SMARCA2: variants seen among roughly 807,000 people sequenced by gnomAD.
The protein encoded by SMARCA2 is SWI/SNF related BAF chromatin remodeling complex subunit ATPase 2.
Under a neutral mutation model 199.8 loss-of-function variants are expected in SMARCA2, and 61 were observed. That is an observed-to-expected ratio of 0.31 (90% CI 0.25 to 0.38). SMARCA2 has a LOEUF of 0.38. Ranked by LOEUF, SMARCA2 falls within the 10% of genes least tolerant of loss-of-function variation. The pLI is 1.00. For synonymous variants in SMARCA2, 935 were observed against 732.0 expected, an observed-to-expected ratio of 1.28 and a Z score of -4.48; for missense variants, 1,344 against 2,012.2, an observed-to-expected ratio of 0.67 and a Z score of 6.35.
chr9:2,164,292 G>A (rs1825835036), intron 28 of SMARCA2, among the ~76,000 whole-genome samples: 2 of 152,218 alleles, frequency 1.3e-5, no homozygotes, highest in South Asian at 4.2e-4. Flanking sequence ...GAGATTATAT[G>A]CCTTAAACCT....
chr9:2,055,197 A>G (rs1820297773), intron 6 of SMARCA2, among the ~76,000 whole-genome samples: 1 of 152,250 alleles, frequency 6.6e-6, no homozygotes, highest in South Asian at 2.1e-4. Flanking sequence ...ACATAAAGCA[A>G]TGTCTTATAG....
At chr9:2,053,741 T>G (rs762080537) in intron 5 of SMARCA2, among the ~76,000 whole-genome samples, 1 of 152,228 alleles carries the variant, frequency 6.6e-6, no homozygotes, top group Non-Finnish European at 1.5e-5. Context: ...TGGCATATAA[T>G]TATTTTGTCA....
At chr9:2,186,743 C>T (rs1827486557) in intron 32 of SMARCA2, among the ~76,000 whole-genome samples, 1 of 152,206 alleles carries the variant, frequency 6.6e-6, no homozygotes, top group African/African-American at 2.4e-5. Flanking sequence ...CAAGGCTGGT[C>T]TCAAACTCCT....
intron 30 of SMARCA2, 49 bp from the exon 31 acceptor site, chr9:2,182,078 GTAATGATCGCTGAA>G: frequency 9.5e-7 from 1 of 1,056,510 alleles, no homozygotes; most frequent in Non-Finnish European, 1.5e-6. Flanking sequence ...TGTTAACTAA[GTAATGATCGCTGAA>G]TTTTCCTCTC....
In SMARCA2 at chr9:2,087,159, A is replaced by T. The variant is rs544464814; in HGVS notation, c.2769+88A>T. On this transcript the variant is annotated intron_variant, in intron 18 of 33. Coordinates refer to ENST00000349721, the MANE Select transcript of SMARCA2 (RefSeq NM_003070.5). ...GCTGAGAACATTAGAGCCACAGAACACCCGCAGGGTGGTTTCCACTGTTGT... is the reference window on the plus strand; with the variant it reads ...GCTGAGAACATTAGAGCCACAGAACTCCCGCAGGGTGGTTTCCACTGTTGT... 4 of 1,503,842 alleles carry T rather than the reference A, an allele frequency of 2.7e-6. No individual in the cohort carries two copies. In the African/African-American group the frequency reaches 5.6e-5, roughly 21 times the overall value. 93.2% of individuals were successfully genotyped at this position (1,503,842 alleles called of 1,614,324 possible).
At chr9:2,142,130 G>A (rs1824491456) in intron 27 of SMARCA2, among the ~76,000 whole-genome samples, 1 of 152,168 alleles carries the variant, frequency 6.6e-6, no homozygotes, top group African/African-American at 2.4e-5. Flanking sequence ...AGCTCCATCA[G>A]TCAAGTTGCA....
At chr9:2,167,621 C>G (rs1013277202) in intron 28 of SMARCA2, among the ~76,000 whole-genome samples, 1 of 152,242 alleles carries the variant, frequency 6.6e-6, no homozygotes, top group Non-Finnish European at 1.5e-5. Context: ...CTGTCTTCCC[C>G]TAGCTGGGAA....
intron 21 of SMARCA2, among the ~76,000 whole-genome samples, chr9:2,100,436 C>G (rs1430331253): frequency 6.6e-6 from 1 of 152,088 alleles, no homozygotes; most frequent in Non-Finnish European, 1.5e-5. Context: ...GGTGTGGTGG[C>G]TCATCCAATA....
At position 2,056,110 on chromosome 9, in the gene SMARCA2, A is replaced by G. The variant is rs1820342915; in HGVS notation, c.1174-562A>G. ...ATCTGAAATAAGTTCATGATATAAT[A>G]TAAAATGTAGATCTCTTGGAAAGAA... On this transcript the variant is annotated intron_variant, in intron 6 of 33. Coordinates refer to ENST00000349721, the MANE Select transcript of SMARCA2 (RefSeq NM_003070.5). This position sits in a 1 kb window ranked among gnomAD's most constrained non-coding sequence, Gnocchi z 4.0. Among the ~76,000 whole-genome samples, 1 of 152,230 alleles carries G rather than the reference A, an allele frequency of 6.6e-6. No individual in the cohort carries two copies. The highest frequency in any genetic ancestry group is 2.4e-5 in the African/African-American group (1 of 41,450).
Position 2,039,576 on chromosome 9 carries a change from C to G in SMARCA2, c.466C>G (p.Leu156Val). 3 of 1,614,200 alleles carry G rather than the reference C, an allele frequency of 1.9e-6. No homozygotes were observed. Among genetic ancestry groups the G allele is most frequent in the Non-Finnish European group, 2.5e-6 (3 of 1,180,036 alleles). ...PQMPPSQPGA[L>V]IPGDPQAMSQ... ...GATGCCACCAAGCCAGCCGGGGGCCCTCATCCCAGGTGATCCGCAGGCCAT... is the reference window on the plus strand; with the variant it reads ...GATGCCACCAAGCCAGCCGGGGGCCGTCATCCCAGGTGATCCGCAGGCCAT... The change falls in exon 4 of 34, where the codon CTC becomes GTC. Residue 156 changes from leucine to valine, a missense_variant. Leu to Val is a conservative substitution (Grantham distance 32). Coordinates refer to ENST00000349721, the MANE Select transcript of SMARCA2 (RefSeq NM_003070.5). The surrounding 1 kb of genome is among the most constrained non-coding windows in gnomAD (Gnocchi z 4.8).
chr9:2,182,165 C>T lies in SMARCA2; in HGVS notation c.4384C>T (p.Arg1462Trp), dbSNP rs774671393. 6.2e-7 allele frequency: 1 copy of T among 1,612,062 alleles called. No homozygotes were observed. The highest frequency in any genetic ancestry group is 8.5e-7 in the Non-Finnish European group (1 of 1,178,258). ...IKERIRNHKYRSLGDLEKDVM... is the reference protein window; with the variant it reads ...IKERIRNHKYWSLGDLEKDVM... ...GGAAAGGATTCGTAATCATAAGTAC[C>T]GGAGCCTAGGCGACCTGGAGAAGGA... Residue 1462 changes from arginine to tryptophan, a missense_variant, in exon 31 of 34, where the codon CGG (arginine) becomes TGG (tryptophan). By Grantham distance (101) the Arg-to-Trp change is moderately radical. Coordinates refer to ENST00000349721, the MANE Select transcript of SMARCA2 (RefSeq NM_003070.5).
chr9:2,144,943 A>G lies in SMARCA2; in HGVS notation c.3982-16743A>G, dbSNP rs930470816. Among the ~76,000 whole-genome samples the G allele has an allele frequency of 5.3e-5, 8 of 152,336 alleles. No homozygotes were observed. In the South Asian group the frequency reaches 1.7e-3, roughly 32 times the overall value. On this transcript the variant is annotated intron_variant, in intron 27 of 33. Coordinates refer to ENST00000349721, the MANE Select transcript of SMARCA2 (RefSeq NM_003070.5). ...CTGCATATTCACAATCTGTGAATGA[A>G]AAAAAAGCCAAAAGAAAAGTTGGGG...
chr9:2,158,450 C>T (rs1825489183), intron 27 of SMARCA2: 1 of 153,478 alleles, frequency 6.5e-6, no homozygotes, highest in African/African-American at 2.4e-5. Context: ...GACTTCCTTC[C>T]TATTCACTTC....
chr9:2,081,846 A>T lies in SMARCA2; in HGVS notation c.2199A>T (p.Glu733Asp). The T allele has an allele frequency of 6.2e-7, 1 of 1,613,994 alleles. No homozygotes were observed. Among genetic ancestry groups the T allele is most frequent in the East Asian group, 2.2e-5 (1 of 44,878 alleles). Reference sequence around the variant, plus strand: ...CTTCATTTCAGCTCCAGGGCCTGGAATGGATGGTTTCCCTGTATAATAACA... The same window carrying T: ...CTTCATTTCAGCTCCAGGGCCTGGATTGGATGGTTTCCCTGTATAATAACA... ...TLKHYQLQGLEWMVSLYNNNL... is the reference protein window; with the variant it reads ...TLKHYQLQGLDWMVSLYNNNL... Residue 733 changes from glutamate to aspartate, a missense_variant, in exon 15 of 34, where the codon GAA becomes GAT. Physicochemically the swap from Glu to Asp is conservative, Grantham distance 45 (BLOSUM62 2). Around this residue, in one of 18 missense-constraint regions of SMARCA2, gnomAD observed 106 missense variants for 179.7 expected, o/e 0.59. Transcript: ENST00000349721.
chr9:2,102,566 C>T (rs945436996), intron 22 of SMARCA2, among the ~76,000 whole-genome samples: 11 of 152,252 alleles, frequency 7.2e-5, no homozygotes, highest in South Asian at 2.1e-4. Context: ...ACCTAAAATT[C>T]GGTTTTAATT....
At position 2,073,585 on chromosome 9, in the gene SMARCA2, T is replaced by C; in HGVS notation, c.1897T>C (p.Ser633Pro). Residue 633 changes from serine (S) to proline (P), a missense_variant, in exon 12 of 34, where the codon TCT becomes CCT. By Grantham distance (74) the Ser-to-Pro change is moderately conservative (BLOSUM62 -1). Around this residue, in one of 18 missense-constraint regions of SMARCA2, gnomAD observed 106 missense variants for 179.7 expected, o/e 0.59. Transcript: ENST00000349721. Reference sequence around the variant, plus strand: ...CCTTAGTTATGAAGTTGCCCCTAGATCTGACAGTGAAGAGAGTGATTCTGA... The same window carrying C: ...CCTTAGTTATGAAGTTGCCCCTAGACCTGACAGTGAAGAGAGTGATTCTGA... ...MNPGYEVAPR[S>P]DSEESDSDYE... 1 of 1,612,530 alleles carries C rather than the reference T, an allele frequency of 6.2e-7. No individual in the cohort carries two copies. The highest frequency in any genetic ancestry group is 8.5e-7 in the Non-Finnish European group (1 of 1,178,570).
At chr9:2,173,626 C>T (rs930504703) in intron 29 of SMARCA2, among the ~76,000 whole-genome samples, 9 of 152,108 alleles carry the variant, frequency 5.9e-5, no homozygotes, top group Admixed American at 2.6e-4. Context: ...CTGAGGTCAG[C>T]GCCTCATGCA....
At chr9:2,158,125 G>C in intron 27 of SMARCA2, 1 of 106,580 alleles carries the variant, frequency 9.4e-6, no homozygotes, top group Non-Finnish European at 1.8e-5. Context: ...TTTCTTTTAA[G>C]CAAAATTGAA....
In SMARCA2 at chr9:2,039,988, C is replaced by T; in HGVS notation, c.790+88C>T. ...ACCAAAACACCGGGTTGTTAAAAGCCCGGGGCTGACGTAGCCTTTTGTTAT... is the reference window on the plus strand; with the variant it reads ...ACCAAAACACCGGGTTGTTAAAAGCTCGGGGCTGACGTAGCCTTTTGTTAT... On this transcript the variant is annotated intron_variant, in intron 4 of 33. Coordinates refer to ENST00000349721, the MANE Select transcript of SMARCA2 (RefSeq NM_003070.5). The surrounding 1 kb of genome is among the most constrained non-coding windows in gnomAD (Gnocchi z 4.8). 1 of 1,560,894 alleles carries T rather than the reference C, an allele frequency of 6.4e-7. No individual in the cohort carries two copies. Among genetic ancestry groups the T allele is most frequent in the Non-Finnish European group, 8.6e-7 (1 of 1,156,800 alleles).
Sources: gnomAD v4.1 joint callset for allele counts (sites outside exome capture counted in the v4.1 genomes callset) on GRCh38, gnomAD v4.1.1 for gene constraint, gnomAD v4.1.1 regional missense constraint, Gnocchi (gnomAD v3.1) non-coding constraint, MANE v1.5 for transcripts, NCBI Gene and HGNC (gene_info 2026-07-23, HGNC 2026-07-21) for gene names.